Variants in NMD3 observed in about 807,000 individuals in gnomAD.
NMD3 encodes the protein 60S ribosomal export protein NMD3.
A neutral mutation model predicts 73.1 loss-of-function variants in NMD3; 47 were observed. The observed-to-expected ratio is 0.64, with a 90% CI of 0.51 to 0.82. NMD3 has a LOEUF of 0.82. Among genes scored for constraint, NMD3 ranks in the 40% least tolerant of loss-of-function variants. The pLI is 0.00. For missense variants in NMD3, 554 were observed against 612.5 expected (o/e 0.90, Z 1.01); for synonymous variants, 210 against 194.5 (o/e 1.08, Z -0.66).
intron 10 of NMD3, 126 bp from the exon 11 acceptor site, chr3:161,242,382 G>A (rs1737019415): frequency 2.6e-6 from 2 of 773,418 alleles, no homozygotes; most frequent in East Asian, 2.7e-5. Flanking sequence ...TAAGGAGTGA[G>A]TTGACACTAG....
Position 161,238,770 on chromosome 3 carries a change from A to G in NMD3, c.697A>G (p.Ser233Gly). ...AAGACTGATCTCTCAAGATATCCAT[A>G]GTAACACATACAATTACAAAAGCAC... is the stretch of plus-strand genomic sequence containing the variant. ...SQRLISQDIH[S>G]NTYNYKSTFS... The change falls in exon 9 of 16, where the codon AGT becomes GGT. Residue 233 changes from serine (S) to glycine (G), a missense_variant. By Grantham distance (56) the Ser-to-Gly change is moderately conservative. Transcript: ENST00000351193. 1 of 1,580,576 alleles carries G rather than the reference A, an allele frequency of 6.3e-7. No individual in the cohort carries two copies. The highest frequency in any genetic ancestry group is 8.6e-7 in the Non-Finnish European group (1 of 1,157,378).
intron 2 of NMD3, among the ~76,000 whole-genome samples, chr3:161,223,530 C>T (rs6774276): frequency 0.62 from 94,218 of 150,794 alleles, 31,518 homozygotes; most frequent in East Asian, 0.95. Flanking sequence ...AGTATATTGG[C>T]GTCTGATTCT....
Position 161,235,227 on chromosome 3 carries a change from A to C in NMD3, c.577+15A>C. Reference sequence around the variant, plus strand: ...AGAGATTCATGGTGAGTTAAAACTCAAAAGCATTTGAAATTATGTCAGATT... The same window carrying C: ...AGAGATTCATGGTGAGTTAAAACTCCAAAGCATTTGAAATTATGTCAGATT... On this transcript the variant is annotated intron_variant, in intron 7 of 15. Coordinates refer to ENST00000351193, the MANE Select transcript of NMD3 (RefSeq NM_015938.5). 3 of 1,257,984 alleles carry C rather than the reference A, an allele frequency of 2.4e-6. No individual in the cohort carries two copies. Among genetic ancestry groups the C allele is most frequent in the Non-Finnish European group, 3.4e-6 (3 of 886,262 alleles). 77.9% of individuals were successfully genotyped at this position (1,257,984 alleles called of 1,614,324 possible).
Position 161,233,469 on chromosome 3 carries a change from T to G in NMD3, c.347T>G (p.Ile116Ser). The G allele has an allele frequency of 6.2e-7, 1 of 1,600,592 alleles. No individual in the cohort carries two copies. Among genetic ancestry groups the G allele is most frequent in the Non-Finnish European group, 8.5e-7 (1 of 1,170,216 alleles). ...HSKRLKVKLT[I>S]QKEVMNGAIL... ...AAGAGACTTAAAGTTAAACTGACTA[T>G]TCAGAAAGAGGTAAGCAGTACATAA... Residue 116 changes from isoleucine (I) to serine (S), a missense_variant, in exon 5 of 16, where the codon ATT becomes AGT. Physicochemically the swap from Ile to Ser is moderately radical, Grantham distance 142. Coordinates refer to ENST00000351193, the MANE Select transcript of NMD3 (RefSeq NM_015938.5).
chr3:161,249,786 T>A, intron 14 of NMD3: 1 of 540,860 alleles, frequency 1.8e-6, no homozygotes, highest in Non-Finnish European at 3.3e-6. Flanking sequence ...GTAGTGTTAA[T>A]GTAAACAATT....
rs1344837071 is a variant in NMD3 at position 161,225,202 on chromosome 3, A to G, written c.179+138A>G. 8.4e-6 allele frequency: 8 copies of G among 956,178 alleles called. No homozygotes were observed. The African/African-American group carries it at 8.5e-5, about 10-fold the overall frequency. 59.2% of individuals were successfully genotyped at this position (956,178 alleles called of 1,614,324 possible). ...GTTTAAATTTTCTGTTGGTGTCGCCAAAGATTTTAGAATTTGCAATTTTAT... is the reference window on the plus strand; with the variant it reads ...GTTTAAATTTTCTGTTGGTGTCGCCGAAGATTTTAGAATTTGCAATTTTAT... On this transcript the variant is annotated intron_variant, in intron 3 of 15. Coordinates refer to ENST00000351193, the MANE Select transcript of NMD3 (RefSeq NM_015938.5).
intron 1 of NMD3, chr3:161,221,630 C>G: frequency 6.2e-6 from 1 of 160,996 alleles, no homozygotes; most frequent in Non-Finnish European, 1.4e-5. Context: ...GCGCGGTGGT[C>G]CGGTGCGGTC....
intron 2 of NMD3, among the ~76,000 whole-genome samples, chr3:161,222,272 A>G (rs1169685498): frequency 6.6e-6 from 1 of 152,146 alleles, no homozygotes; most frequent in Non-Finnish European, 1.5e-5. Context: ...TAAAATATTT[A>G]CCATACATCC....
At position 161,249,524 on chromosome 3, in the gene NMD3, CAA is replaced by C; in HGVS notation, c.1275_1276del (p.Glu429LysfsTer6). On this transcript the variant is annotated frameshift_variant, in exon 14 of 16. Coordinates refer to ENST00000351193, the MANE Select transcript of NMD3 (RefSeq NM_015938.5). LOFTEE classifies it high-confidence loss of function. Reference sequence around the variant, plus strand: ...AGAAACTGGAAATTGAAAGAGCTTGCAAGAGAGAGAGAAAACATGGATACAGA... The same window carrying C: ...AGAAACTGGAAATTGAAAGAGCTTGCGAGAGAGAGAAAACATGGATACAGA... 1.2e-6 allele frequency: 2 copies of C among 1,612,232 alleles called. No homozygotes were observed. Among genetic ancestry groups the C allele is most frequent in the Non-Finnish European group, 8.5e-7 (1 of 1,178,596 alleles).
At chr3:161,227,453 T>TC in intron 4 of NMD3, 110 bp downstream of exon 4, 1 of 658,238 alleles carries the variant, frequency 1.5e-6, no homozygotes, top group Non-Finnish European at 2.6e-6. Context: ...TTTTTTTTTT[T>TC]TTTTTTTGAG....
chr3:161,240,113 T>C (rs1163891587), intron 9 of NMD3, among the ~76,000 whole-genome samples: 2 of 152,230 alleles, frequency 1.3e-5, no homozygotes, highest in Non-Finnish European at 2.9e-5. Flanking sequence ...TTTGTTTATC[T>C]TTGGAAACTC....
intron 4 of NMD3, among the ~76,000 whole-genome samples, chr3:161,228,790 C>T (rs1308680325): frequency 6.6e-6 from 1 of 152,162 alleles, no homozygotes; most frequent in African/African-American, 2.4e-5. Context: ...TGCACACTAA[C>T]ATGCCAGTGT....
At position 161,241,163 on chromosome 3, in the gene NMD3, G is replaced by A. The variant is rs1262765721; in HGVS notation, c.871G>A (p.Val291Met). ...CCTCATTGATCCAAACACCCTACAA[G>A]GTAAATTCTGGAAATGATTTGCCTT... is the stretch of plus-strand genomic sequence containing the variant. ...IHLIDPNTLQ[V>M]ADIDGSTFWS... Residue 291 changes from valine (V) to methionine (M), a missense_variant and splice_region_variant, in exon 10 of 16, where the codon GTG (valine) becomes ATG (methionine). Val to Met is a conservative substitution (Grantham distance 21). Transcript: ENST00000351193. 4.5e-6 allele frequency: 7 copies of A among 1,539,912 alleles called. No homozygotes were observed. Among genetic ancestry groups the A allele is most frequent in the African/African-American group, 1.4e-5 (1 of 73,226 alleles).
At chr3:161,249,349 G>A in intron 13 of NMD3, 105 bp from the exon 14 acceptor site, 1 of 681,182 alleles carries the variant, frequency 1.5e-6, no homozygotes, top group Non-Finnish European at 2.6e-6. Flanking sequence ...TTCTCCTGAG[G>A]TGTAACCAGT....
chr3:161,222,019 G>A lies in NMD3; in HGVS notation c.6G>A (p.Glu2=), dbSNP rs1736116428. The part of the protein sequence containing the change: M[E]YMAESTDRSP... ...AACTTAAGGCATACAGAACGATGGA[G>A]TATATGGCAGAATCCACCGACCGCA... The change falls in exon 2 of 16, where the codon GAG becomes GAA. Residue 2 remains glutamate (E), a synonymous_variant. Coordinates refer to ENST00000351193, the MANE Select transcript of NMD3 (RefSeq NM_015938.5). 3 of 1,338,676 alleles carry A rather than the reference G, an allele frequency of 2.2e-6. No individual in the cohort carries two copies. Among genetic ancestry groups the A allele is most frequent in the Admixed American group, 1.8e-5 (1 of 55,434 alleles). 82.9% of individuals were successfully genotyped at this position (1,338,676 alleles called of 1,614,324 possible). A position where few individuals can be genotyped will look rare whatever the true frequency, so the allele number is the denominator to read the frequency against.
Position 161,246,447 on chromosome 3 carries a change from G to T in NMD3, c.1129G>T (p.Gly377Trp). 7.3e-7 allele frequency: 1 copy of T among 1,378,784 alleles called. No individual in the cohort carries two copies. The highest frequency in any genetic ancestry group is 1.0e-6 in the Non-Finnish European group (1 of 997,608). 85.4% of individuals were successfully genotyped at this position (1,378,784 alleles called of 1,614,324 possible). ...HLLNPGDLVL[G>W]FDLANCNLND... ...TCTAAATCCCGGAGACCTGGTGTTA[G>T]GGTTTGTATTATTTCATATTTTAAA... Residue 377 changes from glycine (G) to tryptophan (W), a missense_variant and splice_region_variant, in exon 12 of 16, where the codon GGG becomes TGG. Transcript: ENST00000351193.
chr3:161,240,542 T>TTTTTTTTTTTTAG (rs1736931457), intron 9 of NMD3, among the ~76,000 whole-genome samples: 1 of 149,600 alleles, frequency 6.7e-6, no homozygotes. Context: ...TTTTTTTTTT[T>TTTTTTTTTTTTAG]GAGAGACAGT....
chr3:161,242,621 C>T lies in NMD3; in HGVS notation c.985C>T (p.Arg329Cys), dbSNP rs377761509. Residue 329 changes from arginine to cysteine, a missense_variant, in exon 11 of 16, where the codon CGT (arginine) becomes TGT (cysteine). Transcript: ENST00000351193. ...MECSIVQDIK[R>C]AAGAGMISKK... ...ATGCAGCATAGTCCAAGATATAAAA[C>T]GTGCTGCAGGTGCTGGAATGATATC... 160 of 1,613,108 alleles carry T rather than the reference C, an allele frequency of 9.9e-5. 2 individuals carry two copies. In the South Asian group the frequency reaches 1.2e-3, roughly 12 times the overall value.
chr3:161,250,512 T>C (rs1241922140), intron 15 of NMD3, among the ~76,000 whole-genome samples, 186 bp downstream of exon 15: 1 of 152,224 alleles, frequency 6.6e-6, no homozygotes, highest in East Asian at 1.9e-4. Context: ...TACTGTTTTG[T>C]ATATTACAGT....
Sources: allele counts gnomAD v4.1 joint callset (sites outside exome capture counted in the v4.1 genomes callset), GRCh38; gene constraint gnomAD v4.1.1; transcripts MANE v1.5; gene names NCBI Gene and HGNC (gene_info 2026-07-23, HGNC 2026-07-21).